Variants in NCALD observed in about 807,000 individuals in gnomAD.
The protein encoded by NCALD is neurocalcin-delta.
In NCALD, 10 loss-of-function variants were observed where a neutral mutation model predicts 18.6. That is an observed-to-expected ratio of 0.54 (90% CI 0.33 to 0.91). The LOEUF (loss-of-function observed/expected upper bound fraction) is 0.91, where lower values mean the gene tolerates loss of function less well. NCALD is among the 40% of genes least tolerant of loss of function. The probability of loss-of-function intolerance (pLI) is 0.03; values close to 1 mark genes in which losing one functional copy is unlikely to be tolerated. For missense variants in NCALD, 184 were observed against 247.6 expected, an observed-to-expected ratio of 0.74 and a Z score of 1.72; for synonymous variants, 88 against 87.4, an observed-to-expected ratio of 1.01 and a Z score of -0.04.
intron 1 of NCALD, among the ~76,000 whole-genome samples, chr8:101,781,431 G>C (rs751089992): frequency 4.6e-5 from 7 of 152,114 alleles, no homozygotes; most frequent in Non-Finnish European, 1.0e-4. Flanking sequence ...TGAATAGCTG[G>C]GAGGTGACAA....
At chr8:102,110,629 T>C (rs185457466) in intron 1 of NCALD, among the ~76,000 whole-genome samples, 1 of 152,164 alleles carries the variant, frequency 6.6e-6, no homozygotes, top group Non-Finnish European at 1.5e-5. Context: ...GAAGATGAAA[T>C]CGACACAGTC....
chr8:101,879,228 G>A (rs569015), intron 4 of NCALD, among the ~76,000 whole-genome samples: 39,534 of 152,046 alleles, frequency 0.26, 5,538 homozygotes, highest in East Asian at 0.36. Context: ...GAATAAGGCC[G>A]TGGACCCTCA....
At chr8:101,864,743 CA>C (rs1029401736) in intron 4 of NCALD, among the ~76,000 whole-genome samples, 1 of 151,984 alleles carries the variant, frequency 6.6e-6, no homozygotes, top group Non-Finnish European at 1.5e-5. Context: ...TACAGGTGCC[CA>C]ACACTACGCC....
chr8:102,066,116 G>A (rs1185404909), intron 1 of NCALD, among the ~76,000 whole-genome samples: 2 of 152,302 alleles, frequency 1.3e-5, no homozygotes, highest in South Asian at 2.1e-4. Flanking sequence ...CGGAAGGTGA[G>A]GCCAGTCAAT....
chr8:101,863,461 C>CT lies in NCALD; in HGVS notation c.-20+23679dup, dbSNP rs374268615. ...GAAATGTTTTAAACCATGTTTCTCA[C>CT]TTTTTTTTTTTTAACCCAGGCTTCC... On this transcript the variant is annotated intron_variant, in intron 4 of 6. Coordinates refer to the NCALD transcript ENST00000311028. Among the ~76,000 whole-genome samples, 116 of 146,948 alleles carry CT rather than the reference C, an allele frequency of 7.9e-4. 1 individual carries two copies. Among genetic ancestry groups the CT allele is most frequent in the East Asian group, 3.7e-3 (19 of 5,090 alleles).
At chr8:101,951,547 T>C (rs983380110) in intron 2 of NCALD, among the ~76,000 whole-genome samples, 1 of 152,142 alleles carries the variant, frequency 6.6e-6, no homozygotes, top group African/African-American at 2.4e-5. Flanking sequence ...TGGAGGCACC[T>C]GGGTTTGACG....
At chr8:101,957,287 G>A (rs1208725325) in intron 2 of NCALD, among the ~76,000 whole-genome samples, 1 of 131,420 alleles carries the variant, frequency 7.6e-6, no homozygotes, top group Non-Finnish European at 1.6e-5. Context: ...AGAAAAGTTG[G>A]GGTTTTTTTT....
intron 4 of NCALD, among the ~76,000 whole-genome samples, chr8:101,829,570 C>A (rs1208389715): frequency 6.6e-6 from 1 of 152,100 alleles, no homozygotes; most frequent in Non-Finnish European, 1.5e-5. Flanking sequence ...GCACACTTAA[C>A]CTAGGTTTTC....
intron 1 of NCALD, among the ~76,000 whole-genome samples, chr8:102,045,135 T>C (rs1214734730): frequency 1.3e-5 from 2 of 152,204 alleles, no homozygotes; most frequent in Admixed American, 6.5e-5. Flanking sequence ...GGCCCATAAC[T>C]AGAAGGAATC....
At chr8:101,784,639 T>C (rs755424804) in intron 1 of NCALD, among the ~76,000 whole-genome samples, 2 of 151,444 alleles carry the variant, frequency 1.3e-5, no homozygotes, top group Non-Finnish European at 2.9e-5. Context: ...TCTATAAAAA[T>C]AAAAACAAAA....
At chr8:101,711,354 C>T (rs1415589729) in intron 2 of NCALD, among the ~76,000 whole-genome samples, 1 of 152,038 alleles carries the variant, frequency 6.6e-6, no homozygotes, top group Non-Finnish European at 1.5e-5. Flanking sequence ...AACCAGAATG[C>T]CTCTTATCCT....
At chr8:101,860,092 C>T (rs901076789) in intron 4 of NCALD, among the ~76,000 whole-genome samples, 7 of 152,104 alleles carry the variant, frequency 4.6e-5, no homozygotes, top group Admixed American at 3.3e-4. Flanking sequence ...ACATTGTCTT[C>T]AAAATGTTAA....
At chr8:101,971,247 G>A (rs545151039) in intron 2 of NCALD, among the ~76,000 whole-genome samples, 4 of 152,110 alleles carry the variant, frequency 2.6e-5, no homozygotes, top group East Asian at 1.9e-4. Context: ...AGTGTGTATC[G>A]TGGTCTTCAG....
chr8:101,894,580 T>G (rs980791228), intron 3 of NCALD, among the ~76,000 whole-genome samples: 6 of 143,528 alleles, frequency 4.2e-5, no homozygotes, highest in African/African-American at 1.2e-4. Context: ...AGGAACTGGT[T>G]TTTTGAAAGG....
rs561033976 is a variant in NCALD at position 101,841,214 on chromosome 8, T to C, written c.-20+45927A>G. Among the ~76,000 whole-genome samples, 4 of 152,316 alleles carry C rather than the reference T, an allele frequency of 2.6e-5. No homozygotes were observed. In the South Asian group the frequency reaches 8.3e-4, roughly 32 times the overall value. ...CAGACAGTTGTAGACTGAGGGCTGG[T>C]TGGCCAATGTAATGAGACCAGCTTC... On this transcript the variant is annotated intron_variant, in intron 4 of 6. Transcript: ENST00000311028.
chr8:101,912,014 A>G (rs759723648), intron 3 of NCALD, among the ~76,000 whole-genome samples: 2 of 152,240 alleles, frequency 1.3e-5, no homozygotes, highest in East Asian at 3.8e-4. Context: ...GGAAAAATAT[A>G]CATTTTTGAG....
chr8:101,837,256 G>C (rs1405048574), intron 4 of NCALD, among the ~76,000 whole-genome samples: 1 of 151,940 alleles, frequency 6.6e-6, no homozygotes, highest in Non-Finnish European at 1.5e-5. Context: ...CTGTGTCCTT[G>C]GTTGATGCCA....
At chr8:101,758,726 A>G (rs1810989269) in intron 1 of NCALD, among the ~76,000 whole-genome samples, 1 of 152,202 alleles carries the variant, frequency 6.6e-6, no homozygotes, top group African/African-American at 2.4e-5. Context: ...TCTACAGATT[A>G]GAGTTCCCTC....
At chr8:101,706,289 T>C (rs1211971732) in intron 2 of NCALD, among the ~76,000 whole-genome samples, 2 of 151,608 alleles carry the variant, frequency 1.3e-5, no homozygotes, top group African/African-American at 4.9e-5. Flanking sequence ...GTCTCTGACT[T>C]GATTAGAGGA....
Sources: allele counts gnomAD v4.1 joint callset (sites outside exome capture counted in the v4.1 genomes callset), GRCh38; gene constraint gnomAD v4.1.1; transcripts MANE v1.5; gene names NCBI Gene and HGNC (gene_info 2026-07-23, HGNC 2026-07-21).